PLA2G4D: variants seen among roughly 807,000 people sequenced by gnomAD.
PLA2G4D encodes the protein cytosolic phospholipase A2 delta.
Under a neutral mutation model 94.4 loss-of-function variants are expected in PLA2G4D, and 80 were observed. The observed-to-expected ratio is 0.85, with a 90% CI of 0.71 to 1.02. PLA2G4D has a LOEUF of 1.02. Among genes scored for constraint, PLA2G4D ranks in the 50% least tolerant of loss-of-function variants. The pLI, the probability that PLA2G4D is intolerant of heterozygous loss-of-function variation, is 0.00. For missense variants in PLA2G4D, 1,050 were observed against 1,034.7 expected (o/e 1.01, Z -0.20); for synonymous variants, 438 against 440.9 (o/e 0.99, Z 0.08).
At chr15:42,072,202 T>G in intron 14 of PLA2G4D, 73 bp downstream of exon 14, 1 of 1,345,844 alleles carries the variant, frequency 7.4e-7, no homozygotes, top group Non-Finnish European at 1.1e-6. Context: ...CCAGCATGAA[T>G]TCTCTGGGGG....
At chr15:42,081,874 AC>A (rs1266118227) in intron 9 of PLA2G4D, 40 bp from the exon 10 acceptor site, 15 of 1,605,836 alleles carry the variant, frequency 9.3e-6, no homozygotes, top group East Asian at 2.2e-5. Context: ...ACCCTCCTAG[AC>A]CCTAAGCGGC....
intron 13 of PLA2G4D, among the ~76,000 whole-genome samples, chr15:42,076,344 A>G (rs1889926325): frequency 6.6e-6 from 1 of 152,212 alleles, no homozygotes; most frequent in Non-Finnish European, 1.5e-5. Flanking sequence ...ATAAATCTTT[A>G]AAAATTTTAT....
At chr15:42,083,473 C>T in intron 7 of PLA2G4D, 139 bp from the exon 8 acceptor site, 1 of 1,358,340 alleles carries the variant, frequency 7.4e-7, no homozygotes, top group Non-Finnish European at 9.9e-7. Flanking sequence ...GAAAAGGGCC[C>T]TTCCCAGCCC....
chr15:42,076,639 A>G lies in PLA2G4D; in HGVS notation c.1317+2898T>C, dbSNP rs184739416. On this transcript the variant is annotated intron_variant, in intron 13 of 19. Coordinates refer to ENST00000290472, the MANE Select transcript of PLA2G4D (RefSeq NM_178034.4). ...AAAAACATCAACTGTCTAACTAAAA[A>G]TCAAAGAAATGCAAAACTATGATAA... 3.3e-5 allele frequency among the ~76,000 whole-genome samples: 5 copies of G among 152,354 alleles called. No individual in the cohort carries two copies. The East Asian group carries it at 9.6e-4, about 29-fold the overall frequency.
rs78938387 is a variant in PLA2G4D, at chr15:42,069,412, C to T, written c.2231-471G>A. 4.3e-4 allele frequency among the ~76,000 whole-genome samples: 65 copies of T among 152,134 alleles called. 3 individuals are homozygous for T. The East Asian group carries it at 0.012, about 28-fold the overall frequency. ...GTAGGAACTGGAAAGCTGGGAATAT[C>T]GCACAAAGGCAGCAATGAGTTTTTC... On this transcript the variant is annotated intron_variant, in intron 19 of 19. Coordinates refer to ENST00000290472, the MANE Select transcript of PLA2G4D (RefSeq NM_178034.4).
Position 42,068,719 on chromosome 15 carries a change from G to A in PLA2G4D, c.2453C>T (p.Thr818Ile), listed in dbSNP as rs1160077793. The A allele has an allele frequency of 6.2e-7, 1 of 1,603,762 alleles. No individual in the cohort carries two copies. The highest frequency in any genetic ancestry group is 8.5e-7 in the Non-Finnish European group (1 of 1,174,922). Reference sequence around the variant, plus strand: ...TCCTGCAGCCTCTGAGCAACCTCAGGTCTGTGCCCTTGGAGGCCTCGCCTC... The same window carrying A: ...TCCTGCAGCCTCTGAGCAACCTCAGATCTGTGCCCTTGGAGGCCTCGCCTC... ...TLEARPPRAQT is the reference protein window; with the variant it reads ...TLEARPPRAQI The change falls in exon 20 of 20, where the codon ACC becomes ATC. Residue 818 changes from threonine (T) to isoleucine (I), a missense_variant. By Grantham distance (89) the Thr-to-Ile change is moderately conservative. Transcript: ENST00000290472.
At chr15:42,076,277 T>G (rs114297490) in intron 13 of PLA2G4D, among the ~76,000 whole-genome samples, 1,694 of 152,334 alleles carry the variant, frequency 0.011, 30 homozygotes, top group African/African-American at 0.039. Context: ...ATTGGATCCC[T>G]ATCCACATGA....
In PLA2G4D at chr15:42,070,868, G is replaced by C. The variant is rs762323928; in HGVS notation, c.1892C>G (p.Ser631Cys). The change falls in exon 18 of 20, where the codon TCC (serine) becomes TGC (cysteine). Residue 631 changes from serine to cysteine, a missense_variant. Ser to Cys is a moderately radical substitution (Grantham distance 112). Coordinates refer to ENST00000290472, the MANE Select transcript of PLA2G4D (RefSeq NM_178034.4). ...FSTWADYQLD[S>C]MPSQLTPKEP... ...CTTGGGGGTCAGCTGGCTGGGCATG[G>C]AGTCAAGCTGGTAGTCTGGTGGGAA... 1.1e-5 allele frequency: 17 copies of C among 1,611,778 alleles called. No homozygotes were observed. The Middle Eastern group carries it at 5.0e-4, about 47-fold the overall frequency.
At chr15:42,089,348 T>C (rs1162134401) in intron 1 of PLA2G4D, among the ~76,000 whole-genome samples, 1 of 151,960 alleles carries the variant, frequency 6.6e-6, no homozygotes, top group Non-Finnish European at 1.5e-5. Context: ...CACCAAAAAC[T>C]GTAAAGGACC....
intron 1 of PLA2G4D, among the ~76,000 whole-genome samples, chr15:42,088,987 A>G (rs1890203000): frequency 6.6e-6 from 1 of 152,178 alleles, no homozygotes; most frequent in Non-Finnish European, 1.5e-5. Context: ...TTCCAGAAAA[A>G]AACCCGTGCT....
At chr15:42,091,620 C>T (rs1282305178) in intron 1 of PLA2G4D, among the ~76,000 whole-genome samples, 1 of 152,158 alleles carries the variant, frequency 6.6e-6, no homozygotes, top group South Asian at 2.1e-4. Context: ...AGACTCTACT[C>T]CTCCACCTCT....
Position 42,086,323 on chromosome 15 carries a change from A to C in PLA2G4D, c.277T>G (p.Tyr93Asp). Residue 93 changes from tyrosine (Y) to aspartate (D), a missense_variant, in exon 4 of 20, where the codon TAT (tyrosine) becomes GAT (aspartate). Coordinates refer to ENST00000290472, the MANE Select transcript of PLA2G4D (RefSeq NM_178034.4). ...TCCTCCGTGACTGAGTCCTCATCAT[A>C]GATGCTAAGCTCCAGAACATTCTAG... Reference protein sequence around the residue: ...QVKNVLELSIYDEDSVTEDDI... With the variant: ...QVKNVLELSIDDEDSVTEDDI... 1 of 1,613,714 alleles carries C rather than the reference A, an allele frequency of 6.2e-7. No homozygotes were observed. Among genetic ancestry groups the C allele is most frequent in the Middle Eastern group, 1.7e-4 (1 of 6,018 alleles).
In PLA2G4D at chr15:42,081,470, C is replaced by T. The variant is rs372388656; in HGVS notation, c.957+9G>A. ...ATATCTGCACACACATCCCTCTGCA[C>T]CCCCAGACCTCATCCTCCTGCAGGT... is the stretch of plus-strand genomic sequence containing the variant. On this transcript the variant is annotated intron_variant, in intron 11 of 19. Coordinates refer to ENST00000290472, the MANE Select transcript of PLA2G4D (RefSeq NM_178034.4). 1.2e-6 allele frequency: 2 copies of T among 1,612,524 alleles called. No individual in the cohort carries two copies. Among genetic ancestry groups the T allele is most frequent in the East Asian group, 2.2e-5 (1 of 44,882 alleles).
chr15:42,085,457 T>C (rs755374212), intron 5 of PLA2G4D, 34 bp downstream of exon 5: 3 of 1,607,938 alleles, frequency 1.9e-6, no homozygotes, highest in Non-Finnish European at 2.6e-6. Context: ...GCCTGAGTCC[T>C]GAGACACTCC....
intron 1 of PLA2G4D, among the ~76,000 whole-genome samples, chr15:42,092,859 G>C (rs1219967872): frequency 1.3e-5 from 2 of 152,232 alleles, no homozygotes; most frequent in Non-Finnish European, 2.9e-5. Context: ...CTGGGGTCCA[G>C]AGTATCCTTG....
intron 1 of PLA2G4D, among the ~76,000 whole-genome samples, chr15:42,091,105 G>A (rs1220064271): frequency 6.6e-6 from 1 of 152,160 alleles, no homozygotes; most frequent in Non-Finnish European, 1.5e-5. Context: ...TTTCTCTCGT[G>A]TCTTTCTGTA....
At chr15:42,080,822 C>T (rs1049477782) in intron 12 of PLA2G4D, among the ~76,000 whole-genome samples, 175 bp downstream of exon 12, 11 of 152,220 alleles carry the variant, frequency 7.2e-5, no homozygotes, top group South Asian at 2.1e-4. Context: ...GCCTCGCTCA[C>T]GGCAGGGCTT....
Position 42,067,649 on chromosome 15 carries a change from G to C in PLA2G4D, c.*1066C>G, listed in dbSNP as rs1267213310. ...AAACTGCCCCAGGAATGCAAAGTTG[G>C]TTTAATATCCAAAAACCAATTAATG... On this transcript the variant is annotated 3_prime_UTR_variant, in exon 20 of 20. Transcript: ENST00000290472. The C allele has an allele frequency of 1.3e-5, 2 of 152,026 alleles. No homozygotes were observed. The highest frequency in any genetic ancestry group is 2.9e-5 in the Non-Finnish European group (2 of 68,012). 9.4% of individuals were successfully genotyped at this position (152,026 alleles called of 1,614,324 possible).
intron 1 of PLA2G4D, among the ~76,000 whole-genome samples, chr15:42,092,538 A>AG (rs1442694920): frequency 6.6e-6 from 1 of 152,230 alleles, no homozygotes; most frequent in East Asian, 1.9e-4. Context: ...CTGAGGGCAT[A>AG]GGGGCGTCAC....
Sources: allele counts gnomAD v4.1 joint callset (sites outside exome capture counted in the v4.1 genomes callset), GRCh38; gene constraint gnomAD v4.1.1; transcripts MANE v1.5; gene names NCBI Gene and HGNC (gene_info 2026-07-23, HGNC 2026-07-21).